Variants in GPC5 observed in about 807,000 individuals in gnomAD.
GPC5 encodes glypican-5.
Under a neutral mutation model 53.9 loss-of-function variants are expected in GPC5, and 47 were observed. The observed-to-expected ratio is 0.87, with a 90% CI of 0.69 to 1.11. The LOEUF (loss-of-function observed/expected upper bound fraction) is 1.11. Among genes scored for constraint, GPC5 ranks in the 50% most tolerant of loss-of-function variants. The pLI is 0.00. For missense variants in GPC5, 748 were observed against 713.1 expected, an observed-to-expected ratio of 1.05 and a Z score of -0.56; for synonymous variants, 286 against 263.3, an observed-to-expected ratio of 1.09 and a Z score of -0.84.
intron 2 of GPC5, among the ~76,000 whole-genome samples, chr13:91,524,434 AT>A (rs200241790): frequency 1.2e-4 from 18 of 152,242 alleles, no homozygotes; most frequent in African/African-American, 4.1e-4. Context: ...TTACCTATAT[AT>A]TTTTTTAAAT....
intron 5 of GPC5, among the ~76,000 whole-genome samples, chr13:91,760,091 A>G (rs756990716): frequency 1.3e-5 from 2 of 152,066 alleles, no homozygotes; most frequent in Non-Finnish European, 2.9e-5. Flanking sequence ...ATTATGGGCC[A>G]TTATTGTTTT....
intron 6 of GPC5, among the ~76,000 whole-genome samples, chr13:91,961,222 C>T (rs1397956201): frequency 1.3e-5 from 2 of 151,872 alleles, no homozygotes; most frequent in Admixed American, 1.3e-4. Flanking sequence ...GTAATGGAAA[C>T]TCTAAATACT....
At chr13:92,358,664 C>G (rs1450227168) in intron 7 of GPC5, among the ~76,000 whole-genome samples, 1 of 151,830 alleles carries the variant, frequency 6.6e-6, no homozygotes, top group East Asian at 1.9e-4. Context: ...ACAGGCTTAA[C>G]CCCATGTGGA....
In GPC5 at chr13:92,483,488, G is replaced by A. The variant is rs1176642567; in HGVS notation, c.1561+338499G>A. On this transcript the variant is annotated intron_variant, in intron 7 of 7. Coordinates refer to ENST00000377067, the MANE Select transcript of GPC5 (RefSeq NM_004466.6). ...ACCTTATAGGGAAATTACTATGAATGGAGCTTTCAGGCCACAAAGTTACTG... is the reference window on the plus strand; with the variant it reads ...ACCTTATAGGGAAATTACTATGAATAGAGCTTTCAGGCCACAAAGTTACTG... 2.0e-5 allele frequency among the ~76,000 whole-genome samples: 3 copies of A among 152,180 alleles called. No individual in the cohort carries two copies. In the East Asian group the frequency reaches 5.8e-4, roughly 29 times the overall value.
intron 7 of GPC5, among the ~76,000 whole-genome samples, chr13:92,751,746 AAAAAAAT>A (rs58566475): frequency 2.0e-5 from 3 of 151,098 alleles, no homozygotes; most frequent in African/African-American, 7.3e-5. Flanking sequence ...TAAAGTATAA[AAAAAAAT>A]AAAAAATAAA....
chr13:92,312,383 C>G (rs1426549731), intron 7 of GPC5, among the ~76,000 whole-genome samples: 1 of 151,954 alleles, frequency 6.6e-6, no homozygotes, highest in Non-Finnish European at 1.5e-5. Context: ...TTGTGCAAAA[C>G]TAAGGTTCTA....
intron 7 of GPC5, among the ~76,000 whole-genome samples, chr13:92,546,877 A>G (rs1882136648): frequency 1.3e-5 from 2 of 152,150 alleles, no homozygotes; most frequent in South Asian, 2.1e-4. Flanking sequence ...ATCTACAACT[A>G]TCTGATCTTT....
At chr13:92,541,451 T>G (rs1253306689) in intron 7 of GPC5, among the ~76,000 whole-genome samples, 1 of 151,906 alleles carries the variant, frequency 6.6e-6, no homozygotes, top group Non-Finnish European at 1.5e-5. Context: ...CATTGATAAT[T>G]TGCATGTTCC....
At chr13:92,616,160 T>A (rs550392928) in intron 7 of GPC5, among the ~76,000 whole-genome samples, 2 of 152,332 alleles carry the variant, frequency 1.3e-5, no homozygotes, top group Admixed American at 6.5e-5. Flanking sequence ...AGGATTTATA[T>A]TTTTCCCCAG....
intron 7 of GPC5, among the ~76,000 whole-genome samples, chr13:92,605,840 G>A (rs1474891133): frequency 6.6e-6 from 1 of 151,682 alleles, no homozygotes; most frequent in Non-Finnish European, 1.5e-5. Flanking sequence ...TAAGGATTAA[G>A]ATAGGACTGG....
chr13:91,554,019 C>A (rs1435447034), intron 2 of GPC5, among the ~76,000 whole-genome samples: 1 of 151,920 alleles, frequency 6.6e-6, no homozygotes, highest in African/African-American at 2.4e-5. Flanking sequence ...AAATTTCCCT[C>A]TACATTCAAA....
intron 2 of GPC5, among the ~76,000 whole-genome samples, chr13:91,625,651 A>C (rs1487503986): frequency 1.3e-5 from 2 of 152,082 alleles, no homozygotes; most frequent in Non-Finnish European, 2.9e-5. Flanking sequence ...CAAGTGCCTT[A>C]TTTGGTAGAA....
intron 7 of GPC5, among the ~76,000 whole-genome samples, chr13:92,326,326 TA>T (rs2043250713): frequency 6.6e-6 from 1 of 152,070 alleles, no homozygotes; most frequent in Admixed American, 6.6e-5. Flanking sequence ...CCTCTCCCAC[TA>T]AAACTTTTAA....
chr13:92,286,048 A>C (rs2042951932), intron 7 of GPC5, among the ~76,000 whole-genome samples: 1 of 152,212 alleles, frequency 6.6e-6, no homozygotes, highest in Non-Finnish European at 1.5e-5. Context: ...ATTTACAAGA[A>C]AAAAGCAACC....
At chr13:92,452,594 G>A (rs1878107961) in intron 7 of GPC5, among the ~76,000 whole-genome samples, 1 of 151,668 alleles carries the variant, frequency 6.6e-6, no homozygotes, top group East Asian at 1.9e-4. Context: ...AAACAACCAA[G>A]TCCCACTCTG....
chr13:91,408,129 T>A (rs1877464872), intron 1 of GPC5, among the ~76,000 whole-genome samples: 1 of 152,176 alleles, frequency 6.6e-6, no homozygotes, highest in Admixed American at 6.5e-5. Context: ...GTAGTCACCA[T>A]GCTATGTAAT....
chr13:91,410,748 A>G (rs948083400), intron 1 of GPC5, among the ~76,000 whole-genome samples: 3 of 152,170 alleles, frequency 2.0e-5, no homozygotes, highest in African/African-American at 7.2e-5. Flanking sequence ...CCATGTTTTC[A>G]TTATTTAATA....
chr13:92,841,720 G>C (rs1382641276), intron 7 of GPC5, among the ~76,000 whole-genome samples: 1 of 152,020 alleles, frequency 6.6e-6, no homozygotes, highest in African/African-American at 2.4e-5. Context: ...TGTCAATAAA[G>C]TTTATATATT....
At chr13:92,665,041 G>C (rs1169748098) in intron 7 of GPC5, among the ~76,000 whole-genome samples, 1 of 152,120 alleles carries the variant, frequency 6.6e-6, no homozygotes, top group Non-Finnish European at 1.5e-5. Flanking sequence ...CGAGTTTGTA[G>C]AGTATAATTT....
Sources: allele counts gnomAD v4.1 joint callset (sites outside exome capture counted in the v4.1 genomes callset), GRCh38; gene constraint gnomAD v4.1.1; transcripts MANE v1.5; gene names NCBI Gene and HGNC (gene_info 2026-07-23, HGNC 2026-07-21).